RNF32: variants seen among roughly 807,000 people sequenced by gnomAD.
RNF32 encodes the protein ring finger protein 32.
In RNF32, 36 loss-of-function variants were observed where a neutral mutation model predicts 41.0. The ratio of observed to expected loss-of-function variants is 0.88; its 90% CI spans 0.67 to 1.16. The LOEUF (loss-of-function observed/expected upper bound fraction) is 1.16. RNF32 is among the 50% of genes most tolerant of loss of function. RNF32 has a pLI of 0.00. For missense variants in RNF32, 413 were observed against 436.7 expected, an observed-to-expected ratio of 0.95 and a Z score of 0.48; for synonymous variants, 154 against 160.9, an observed-to-expected ratio of 0.96 and a Z score of 0.32.
intron 3 of RNF32, among the ~76,000 whole-genome samples, chr7:156,650,374 G>A (rs1032665939): frequency 6.6e-6 from 1 of 152,164 alleles, no homozygotes; most frequent in East Asian, 1.9e-4. Context: ...ATTGGCAAAG[G>A]GTAGCAAGAC....
At chr7:156,658,083 A>AT in intron 5 of RNF32, 45 bp from the exon 6 acceptor site, 1 of 1,578,418 alleles carries the variant, frequency 6.3e-7, no homozygotes, top group Admixed American at 1.7e-5. Context: ...AACGTTGTTT[A>AT]TAAGTAATTA....
intron 7 of RNF32, chr7:156,658,995 T>C: frequency 6.7e-7 from 1 of 1,492,252 alleles, no homozygotes; most frequent in Non-Finnish European, 8.9e-7. Context: ...GCTACCATTG[T>C]ATTGAGTACC....
rs1346793750 is a variant in RNF32 at position 156,670,259 on chromosome 7, C to T, written c.685-5437C>T. Among the ~76,000 whole-genome samples the T allele has an allele frequency of 6.6e-6, 1 of 152,200 alleles. No homozygotes were observed. Among genetic ancestry groups the T allele is most frequent in the Admixed American group, 6.5e-5 (1 of 15,278 alleles). On this transcript the variant is annotated intron_variant, in intron 7 of 8. Coordinates refer to ENST00000317955, the MANE Select transcript of RNF32 (RefSeq NM_030936.4). The surrounding 1 kb of genome is among the most constrained non-coding windows in gnomAD (Gnocchi z 4.3). ...GGAGCTGGATGCTAAGCACGGCTGG[C>T]TCTACTGTTTTGACTTTGGCTCTTG...
intron 7 of RNF32, 136 bp from the exon 8 acceptor site, chr7:156,675,560 T>G (rs929280116): frequency 3.0e-6 from 2 of 675,328 alleles, no homozygotes; most frequent in Admixed American, 2.6e-5. Flanking sequence ...TAGACATATA[T>G]CTATTTCCCT....
intron 7 of RNF32, chr7:156,659,975 C>G (rs1251499608): frequency 1.0e-6 from 1 of 985,356 alleles, no homozygotes; most frequent in Non-Finnish European, 1.2e-6. Context: ...AGAGATGGAA[C>G]TTTACAAGGC....
intron 3 of RNF32, among the ~76,000 whole-genome samples, chr7:156,647,236 G>A (rs1328400535): frequency 6.6e-6 from 1 of 152,032 alleles, no homozygotes; most frequent in Non-Finnish European, 1.5e-5. Context: ...TGTGGTACAA[G>A]TGGTTTTTGG....
chr7:156,662,168 GGGT>G (rs890801168), intron 7 of RNF32, among the ~76,000 whole-genome samples: 6 of 152,124 alleles, frequency 3.9e-5, no homozygotes, highest in Non-Finnish European at 8.8e-5. Context: ...ATGCCTGTAT[GGGT>G]AGAACTCAAC....
chr7:156,676,483 A>G lies in RNF32; in HGVS notation c.917A>G (p.Gln306Arg), dbSNP rs1358999376. 1 of 1,613,916 alleles carries G rather than the reference A, an allele frequency of 6.2e-7. No individual in the cohort carries two copies. Among genetic ancestry groups the G allele is most frequent in the Non-Finnish European group, 8.5e-7 (1 of 1,179,954 alleles). Residue 306 changes from glutamine to arginine, a missense_variant, in exon 9 of 9, where the codon CAG (glutamine) becomes CGG (arginine). Transcript: ENST00000317955. Reference protein sequence around the residue: ...CLAPLSAAGGQRVGAGRRSRE... With the variant: ...CLAPLSAAGGRRVGAGRRSRE... ...GCCCCTCTCTCCGCTGCTGGCGGTC[A>G]GCGCGTGGGTGCAGGCAGGCGTTCC...
At chr7:156,654,372 C>T in intron 3 of RNF32, 1 of 480,564 alleles carries the variant, frequency 2.1e-6, no homozygotes, top group Non-Finnish European at 3.7e-6. Context: ...ACTCCACCAT[C>T]TTCTATCAGG....
intron 3 of RNF32, among the ~76,000 whole-genome samples, chr7:156,651,398 G>C (rs1363221211): frequency 6.6e-6 from 1 of 151,882 alleles, no homozygotes; most frequent in African/African-American, 2.4e-5. Context: ...ATTTTTAGTA[G>C]AGACGGGGTT....
intron 4 of RNF32, 121 bp from the exon 5 acceptor site, chr7:156,657,420 T>C (rs1799880924): frequency 1.1e-6 from 1 of 906,546 alleles, no homozygotes; most frequent in Non-Finnish European, 1.8e-6. Context: ...ATCAAAGTTA[T>C]TAATTTGCTT....
chr7:156,674,530 C>T lies in RNF32; in HGVS notation c.685-1166C>T, dbSNP rs148499977. Among the ~76,000 whole-genome samples, 294 of 152,272 alleles carry T rather than the reference C, an allele frequency of 1.9e-3. 1 individual carries two copies. The highest frequency in any genetic ancestry group is 6.7e-3 in the African/African-American group (279 of 41,550). Reference sequence around the variant, plus strand: ...TGTGGCCCTGAATGAGCCACCTACCCGTGCCTCAGATGACACTGGTGGCCA... The same window carrying T: ...TGTGGCCCTGAATGAGCCACCTACCTGTGCCTCAGATGACACTGGTGGCCA... On this transcript the variant is annotated intron_variant, in intron 7 of 8. Coordinates refer to ENST00000317955, the MANE Select transcript of RNF32 (RefSeq NM_030936.4).
At position 156,657,558 on chromosome 7, in the gene RNF32, C is replaced by G; in HGVS notation, c.435C>G (p.Ser145=). The part of the protein sequence containing the change: ...ELRPQVLLSC[S]HVFHKACLQA... Reference sequence around the variant, plus strand: ...ATGAACAGGTGCTGCTTTCATGCTCCCATGTGTTCCACAAAGTAAGTCCAC... The same window carrying G: ...ATGAACAGGTGCTGCTTTCATGCTCGCATGTGTTCCACAAAGTAAGTCCAC... Residue 145 remains serine, a synonymous_variant, in exon 5 of 9, where the codon TCC becomes TCG. Coordinates refer to ENST00000317955, the MANE Select transcript of RNF32 (RefSeq NM_030936.4). 1 of 1,614,164 alleles carries G rather than the reference C, an allele frequency of 6.2e-7. No individual in the cohort carries two copies. The highest frequency in any genetic ancestry group is 8.5e-7 in the Non-Finnish European group (1 of 1,180,018).
intron 4 of RNF32, among the ~76,000 whole-genome samples, chr7:156,655,085 A>G (rs756561343): frequency 2.6e-5 from 4 of 152,148 alleles, no homozygotes; most frequent in Non-Finnish European, 5.9e-5. Context: ...TTTGAGTCAG[A>G]AAAGAAAAAA....
At chr7:156,664,074 G>C (rs930717927) in intron 7 of RNF32, among the ~76,000 whole-genome samples, 8 of 152,238 alleles carry the variant, frequency 5.3e-5, no homozygotes, top group Non-Finnish European at 7.3e-5. Context: ...GCTCAGAGCG[G>C]GGAGAGAGCC....
intron 7 of RNF32, among the ~76,000 whole-genome samples, chr7:156,671,323 G>A (rs367615239): frequency 7.9e-5 from 12 of 152,088 alleles, no homozygotes; most frequent in East Asian, 5.8e-4. Flanking sequence ...CTGAAAACGC[G>A]AACAGTGTGT....
intron 7 of RNF32, chr7:156,658,862 G>C: frequency 2.0e-6 from 3 of 1,538,370 alleles, no homozygotes; most frequent in Non-Finnish European, 2.6e-6. Flanking sequence ...TATCTCTTCA[G>C]ACACAAGACT....
chr7:156,646,613 CCT>C (rs780896793), intron 3 of RNF32: 12 of 728,326 alleles, frequency 1.6e-5, no homozygotes, highest in Non-Finnish European at 2.4e-5. Flanking sequence ...CAAGTATGTC[CCT>C]GATAGGGGAG....
At chr7:156,660,410 T>C (rs1424147844) in intron 7 of RNF32, 1 of 482,440 alleles carries the variant, frequency 2.1e-6, no homozygotes, top group African/African-American at 2.1e-5. Context: ...TCAGATGATT[T>C]CAATAGCAAA....
Sources: allele counts gnomAD v4.1 joint callset (sites outside exome capture counted in the v4.1 genomes callset), GRCh38; gene constraint gnomAD v4.1.1; non-coding constraint Gnocchi (gnomAD v3.1); transcripts MANE v1.5; gene names NCBI Gene and HGNC (gene_info 2026-07-23, HGNC 2026-07-21).